ZNF407: variants seen among roughly 807,000 people sequenced by gnomAD.
ZNF407 encodes the protein zinc finger protein 407.
In ZNF407, 17 loss-of-function variants were observed where a neutral mutation model predicts 131.2. The observed-to-expected ratio is 0.13, with a 90% confidence interval of 0.09 to 0.19. The LOEUF is 0.19. Among genes scored for constraint, ZNF407 ranks in the 10% least tolerant of loss-of-function variants. The pLI is 1.00. For missense variants in ZNF407, 2,681 were observed against 2,830.6 expected (o/e 0.95, Z 1.20); for synonymous variants, 1,156 against 1,062.0 (o/e 1.09, Z -1.72).
intron 4 of ZNF407, among the ~76,000 whole-genome samples, chr18:74,793,445 G>A (rs1969862901): frequency 6.6e-6 from 1 of 152,158 alleles, no homozygotes; most frequent in African/African-American, 2.4e-5. Flanking sequence ...CCATATGCTT[G>A]ATGTGTAAAC....
At chr18:74,860,697 T>A (rs1970925872) in intron 4 of ZNF407, among the ~76,000 whole-genome samples, 3 of 152,094 alleles carry the variant, frequency 2.0e-5, no homozygotes, top group African/African-American at 7.2e-5. Context: ...GTTTTGGGTA[T>A]CATAGTGGGG....
chr18:74,997,788 C>T (rs1972796475), intron 8 of ZNF407, among the ~76,000 whole-genome samples: 1 of 152,094 alleles, frequency 6.6e-6, no homozygotes, highest in South Asian at 2.1e-4. Context: ...TGCGTAGTCA[C>T]TTTTTTTTAC....
chr18:74,697,599 TG>T (rs1384234748), intron 3 of ZNF407, among the ~76,000 whole-genome samples: 6 of 152,286 alleles, frequency 3.9e-5, no homozygotes, highest in Non-Finnish European at 8.8e-5. Flanking sequence ...ATATAATACA[TG>T]CCAGTGTCAT....
At position 75,064,109 on chromosome 18, in the gene ZNF407, G is replaced by A. The variant is rs1467312339; in HGVS notation, c.6388G>A (p.Gly2130Ser). 1.3e-6 allele frequency: 2 copies of A among 1,594,980 alleles called. No homozygotes were observed. Among genetic ancestry groups the A allele is most frequent in the Admixed American group, 1.7e-5 (1 of 57,204 alleles). The change falls in exon 9 of 9, where the codon GGC (glycine) becomes AGC (serine). Residue 2130 changes from glycine (G) to serine (S), a missense_variant. By Grantham distance (56) the Gly-to-Ser change is moderately conservative (BLOSUM62 0). This residue lies in a region of ZNF407 where 620 missense variants were observed against 583.1 expected (regional missense o/e 1.06). Coordinates refer to ENST00000299687, the MANE Select transcript of ZNF407 (RefSeq NM_017757.3). ...GAQIIMQEAQ[G>S]EHMDLVESDG... is the part of the protein sequence containing the mutation. ...CCAGATCATCATGCAGGAGGCGCAG[G>A]GCGAGCACATGGATCTGGTGGAGTC...
chr18:74,765,231 C>T (rs1039588436), intron 3 of ZNF407, among the ~76,000 whole-genome samples: 1 of 151,958 alleles, frequency 6.6e-6, no homozygotes, highest in Middle Eastern at 3.4e-3. Flanking sequence ...TTTATTGTTC[C>T]CTAATTTTAA....
chr18:74,729,026 G>C (rs1178542800), intron 3 of ZNF407, among the ~76,000 whole-genome samples: 1 of 152,138 alleles, frequency 6.6e-6, no homozygotes, highest in Non-Finnish European at 1.5e-5. Context: ...AGCATAACCA[G>C]TGTTTTCCAG....
intron 1 of ZNF407, among the ~76,000 whole-genome samples, chr18:74,599,268 G>A (rs572755464): frequency 6.6e-6 from 1 of 152,242 alleles, no homozygotes; most frequent in African/African-American, 2.4e-5. Flanking sequence ...GACATGTAAG[G>A]CAGGTGTGAT....
chr18:75,038,532 A>G (rs1020858255), intron 8 of ZNF407, among the ~76,000 whole-genome samples: 21 of 152,230 alleles, frequency 1.4e-4, no homozygotes, highest in African/African-American at 4.8e-4. Context: ...AATAATAAAA[A>G]GTGTGAAATG....
chr18:74,796,457 A>G (rs190160187), intron 4 of ZNF407, among the ~76,000 whole-genome samples: 1 of 152,250 alleles, frequency 6.6e-6, no homozygotes, highest in Admixed American at 6.5e-5. Flanking sequence ...CCCAAGCTGC[A>G]TTTTTCTATA....
In ZNF407 at chr18:74,631,627, A is replaced by G. The variant is rs1368060980; in HGVS notation, c.608A>G (p.Lys203Arg). The G allele has an allele frequency of 6.2e-7, 1 of 1,613,950 alleles. No homozygotes were observed. Among genetic ancestry groups the G allele is most frequent in the South Asian group, 1.1e-5 (1 of 91,068 alleles). Residue 203 changes from lysine (K) to arginine (R), a missense_variant, in exon 2 of 9, where the codon AAA becomes AGA. Transcript: ENST00000299687. Reference sequence around the variant, plus strand: ...TTTTCTTCTTGCTCTGACTTGGAAAAACATGCTGAGTCTCACATGCAGCAG... The same window carrying G: ...TTTTCTTCTTGCTCTGACTTGGAAAGACATGCTGAGTCTCACATGCAGCAG... Reference protein sequence around the residue: ...HLFSSCSDLEKHAESHMQQPK... With the variant: ...HLFSSCSDLERHAESHMQQPK...
At chr18:74,730,761 A>G (rs1442410106) in intron 3 of ZNF407, among the ~76,000 whole-genome samples, 1 of 152,228 alleles carries the variant, frequency 6.6e-6, no homozygotes, top group African/African-American at 2.4e-5. Context: ...AAGTGGCTAT[A>G]GGATTATAGA....
rs148898171 is a variant in ZNF407, at chr18:74,681,425, T to C, written c.4802+40303T>C. ...ACCTGGCTAAGTTTTAAATTTTTGG[T>C]AGAGACAGGACTTCACTGTGTTGCC... On this transcript the variant is annotated intron_variant, in intron 3 of 8. Transcript: ENST00000299687. Among the ~76,000 whole-genome samples, 43 of 152,206 alleles carry C rather than the reference T, an allele frequency of 2.8e-4. No homozygotes were observed. In the East Asian group the frequency reaches 8.1e-3, roughly 29 times the overall value.
At position 75,055,207 on chromosome 18, in the gene ZNF407, T is replaced by G. The variant is rs528254684; in HGVS notation, c.5429-7943T>G. Among the ~76,000 whole-genome samples the G allele has an allele frequency of 1.3e-4, 20 of 152,348 alleles. No homozygotes were observed. In the South Asian group the frequency reaches 3.9e-3, roughly 30 times the overall value. ...ACATCAACTGGCTGTTCTGAAGAAG[T>G]ACTATTCATGGGTAAATGACTAGAT... On this transcript the variant is annotated intron_variant, in intron 8 of 8. Transcript: ENST00000299687.
At chr18:74,628,986 G>T (rs991949093) in intron 1 of ZNF407, among the ~76,000 whole-genome samples, 1 of 152,060 alleles carries the variant, frequency 6.6e-6, no homozygotes, top group African/African-American at 2.4e-5. Flanking sequence ...CCACCTTTTG[G>T]CTGTTATGAA....
rs184727751 is a variant in ZNF407 at position 74,874,012 on chromosome 18, C to G, written c.4878-3185C>G. Reference sequence around the variant, plus strand: ...ATCTCTTTATATCCAAGAGAAACATCTAGTGAAGCCCAAGGAAAGGGAAGA... The same window carrying G: ...ATCTCTTTATATCCAAGAGAAACATGTAGTGAAGCCCAAGGAAAGGGAAGA... On this transcript the variant is annotated intron_variant, in intron 4 of 8. Coordinates refer to ENST00000299687, the MANE Select transcript of ZNF407 (RefSeq NM_017757.3). Among the ~76,000 whole-genome samples the G allele has an allele frequency of 1.7e-3, 255 of 152,286 alleles. 1 individual carries two copies. Among genetic ancestry groups the G allele is most frequent in the Non-Finnish European group, 2.8e-4 (19 of 68,028 alleles).
At chr18:74,744,754 T>C (rs1968628154) in intron 3 of ZNF407, among the ~76,000 whole-genome samples, 1 of 135,850 alleles carries the variant, frequency 7.4e-6, no homozygotes, top group Non-Finnish European at 1.6e-5. Context: ...TTTGAAAAGC[T>C]CAAAAACAAA....
chr18:74,638,619 C>T (rs1337066268), intron 2 of ZNF407, among the ~76,000 whole-genome samples: 3 of 152,026 alleles, frequency 2.0e-5, no homozygotes, highest in Admixed American at 6.6e-5. Context: ...GAAATTCTTT[C>T]GGTAAAGTAA....
At chr18:74,779,737 C>T (rs1969560179) in intron 3 of ZNF407, among the ~76,000 whole-genome samples, 1 of 151,974 alleles carries the variant, frequency 6.6e-6, no homozygotes, top group Admixed American at 6.6e-5. Flanking sequence ...TTCTTAAAAC[C>T]TAAGTATTTT....
intron 4 of ZNF407, among the ~76,000 whole-genome samples, chr18:74,792,194 A>T (rs1420299315): frequency 6.6e-6 from 1 of 152,056 alleles, no homozygotes; most frequent in South Asian, 2.1e-4. Flanking sequence ...CTAATTTTTT[A>T]AAAAAACATT....
Sources: allele counts gnomAD v4.1 joint callset (sites outside exome capture counted in the v4.1 genomes callset), GRCh38; gene constraint gnomAD v4.1.1; regional missense constraint gnomAD v4.1.1; transcripts MANE v1.5; gene names NCBI Gene and HGNC (gene_info 2026-07-23, HGNC 2026-07-21).